ADAMTSL3: variants seen among roughly 807,000 people sequenced by gnomAD.
ADAMTSL3 encodes the protein ADAMTS-like protein 3.
In ADAMTSL3, 128 loss-of-function variants were observed where a neutral mutation model predicts 201.7. The observed-to-expected ratio is 0.63, with a 90% CI of 0.55 to 0.73. The LOEUF is 0.73. ADAMTSL3 is among the 30% of genes least tolerant of loss of function. The pLI, the probability that ADAMTSL3 is intolerant of heterozygous loss-of-function variation, is 0.00. For missense variants in ADAMTSL3, 1,990 were observed against 2,119.6 expected (o/e 0.94, Z 1.20); for synonymous variants, 738 against 748.4 (o/e 0.99, Z 0.23).
At chr15:84,005,289 T>C (rs2067873994) in intron 23 of ADAMTSL3, among the ~76,000 whole-genome samples, 2 of 152,204 alleles carry the variant, frequency 1.3e-5, no homozygotes, top group African/African-American at 2.4e-5. Flanking sequence ...TAGCTATTTG[T>C]TCATCTATAT....
chr15:83,984,267 T>C (rs1237995332), intron 21 of ADAMTSL3, among the ~76,000 whole-genome samples: 1 of 152,264 alleles, frequency 6.6e-6, no homozygotes, highest in Non-Finnish European at 1.5e-5. Flanking sequence ...GATGTGAAAC[T>C]GTTTTGCATA....
intron 7 of ADAMTSL3, among the ~76,000 whole-genome samples, chr15:83,847,478 A>G (rs1193546745): frequency 6.6e-6 from 1 of 150,930 alleles, no homozygotes; most frequent in East Asian, 1.9e-4. Flanking sequence ...TGTTCTGTAC[A>G]ATACCATGCC....
At chr15:83,881,012 T>C (rs2065259788) in intron 9 of ADAMTSL3, among the ~76,000 whole-genome samples, 1 of 152,226 alleles carries the variant, frequency 6.6e-6, no homozygotes, top group African/African-American at 2.4e-5. Context: ...GTTGTGGATA[T>C]AATTTGAGAT....
Position 83,923,975 on chromosome 15 carries a change from A to G in ADAMTSL3, c.2059A>G (p.Met687Val), listed in dbSNP as rs769631858. 2 of 1,614,010 alleles carry G rather than the reference A, an allele frequency of 1.2e-6. No homozygotes were observed. Among genetic ancestry groups the G allele is most frequent in the Non-Finnish European group, 1.7e-6 (2 of 1,180,012 alleles). ...GACAGTCAATGACAGCTTGTGTGATATGGTCCACCGTCCTCCAGCCATGAG... is the reference window on the plus strand; with the variant it reads ...GACAGTCAATGACAGCTTGTGTGATGTGGTCCACCGTCCTCCAGCCATGAG... ...QQTVNDSLCD[M>V]VHRPPAMSQA... Residue 687 changes from methionine (M) to valine (V), a missense_variant, in exon 17 of 30, where the codon ATG becomes GTG. Physicochemically the swap from Met to Val is conservative, Grantham distance 21. Transcript: ENST00000286744.
chr15:83,734,723 A>T (rs1438465894), intron 3 of ADAMTSL3, among the ~76,000 whole-genome samples: 1 of 152,184 alleles, frequency 6.6e-6, no homozygotes, highest in East Asian at 1.9e-4. Context: ...GTGGAGCCTA[A>T]GGAGACTGAA....
At chr15:83,663,821 C>A (rs2141367867) in intron 2 of ADAMTSL3, among the ~76,000 whole-genome samples, 1 of 152,374 alleles carries the variant, frequency 6.6e-6, no homozygotes, top group Non-Finnish European at 1.5e-5. Flanking sequence ...GAGTTATTGG[C>A]TAGATCCAGT....
chr15:83,924,087 C>T lies in ADAMTSL3; in HGVS notation c.2117+54C>T, dbSNP rs79192918. On this transcript the variant is annotated intron_variant, in intron 17 of 29. Coordinates refer to ENST00000286744, the MANE Select transcript of ADAMTSL3 (RefSeq NM_207517.3). ...TACCGTGTCCGGGTGGTAACACCCTCCCTGCAGAGAAACCCACCTAAGTGC... is the reference window on the plus strand; with the variant it reads ...TACCGTGTCCGGGTGGTAACACCCTTCCTGCAGAGAAACCCACCTAAGTGC... 13,852 of 1,596,148 alleles carry T rather than the reference C, an allele frequency of 8.7e-3. 81 individuals are homozygous for T. Among genetic ancestry groups the T allele is most frequent in the Non-Finnish European group, 1.0e-2 (11,674 of 1,169,792 alleles).
Position 83,924,030 on chromosome 15 carries a change from C to G in ADAMTSL3, c.2114C>G (p.Pro705Arg), listed in dbSNP as rs113618515. ...GCCTGTAACACAGAGCCCTGTCCCCCCAGGTATGTGCTGTCTTGTGTTCCT... is the reference window on the plus strand; with the variant it reads ...GCCTGTAACACAGAGCCCTGTCCCCGCAGGTATGTGCTGTCTTGTGTTCCT... ...SQACNTEPCP[P>R]RWHVGSWGPC... The change falls in exon 17 of 30, where the codon CCC (proline) becomes CGC (arginine). Residue 705 changes from proline (P) to arginine (R), a missense_variant. Pro to Arg is a moderately radical substitution (Grantham distance 103). Transcript: ENST00000286744. 2.0e-5 allele frequency: 33 copies of G among 1,614,062 alleles called. No homozygotes were observed. The African/African-American group carries it at 2.9e-4, about 14-fold the overall frequency.
chr15:83,729,140 A>C (rs546525805), intron 3 of ADAMTSL3, among the ~76,000 whole-genome samples: 32 of 152,164 alleles, frequency 2.1e-4, no homozygotes, highest in African/African-American at 7.7e-4. Context: ...TTGGGGCTCC[A>C]TTGTATGCTG....
chr15:83,723,082 C>A (rs373574075), intron 3 of ADAMTSL3, among the ~76,000 whole-genome samples: 1 of 151,818 alleles, frequency 6.6e-6, no homozygotes, highest in East Asian at 1.9e-4. Context: ...TTGTAAAATA[C>A]CATGTAAAAG....
intron 4 of ADAMTSL3, among the ~76,000 whole-genome samples, chr15:83,783,837 C>CTCTGTG (rs138161292): frequency 6.7e-6 from 1 of 148,760 alleles, no homozygotes; most frequent in South Asian, 2.2e-4. Flanking sequence ...CATATATACT[C>CTCTGTG]TGTGTGTGTG....
intron 5 of ADAMTSL3, among the ~76,000 whole-genome samples, chr15:83,806,388 A>G (rs914803630): frequency 1.3e-5 from 2 of 152,250 alleles, no homozygotes; most frequent in Non-Finnish European, 2.9e-5. Flanking sequence ...CATGGATTAC[A>G]GCTGATGAAA....
At chr15:83,978,945 C>G (rs1051352170) in intron 20 of ADAMTSL3, among the ~76,000 whole-genome samples, 3 of 152,222 alleles carry the variant, frequency 2.0e-5, no homozygotes, top group Non-Finnish European at 4.4e-5. Context: ...GGCTTCATGG[C>G]CTCCCTTAGA....
At chr15:83,689,269 G>A (rs2061581843) in intron 2 of ADAMTSL3, among the ~76,000 whole-genome samples, 1 of 152,166 alleles carries the variant, frequency 6.6e-6, no homozygotes, top group South Asian at 2.1e-4. Flanking sequence ...TGAACATGTA[G>A]GTACCTACCG....
At chr15:83,795,972 G>C (rs1043791345) in intron 4 of ADAMTSL3, among the ~76,000 whole-genome samples, 1 of 152,042 alleles carries the variant, frequency 6.6e-6, no homozygotes, top group Non-Finnish European at 1.5e-5. Flanking sequence ...ATATAAGAGA[G>C]AAAAGCCATA....
intron 6 of ADAMTSL3, among the ~76,000 whole-genome samples, chr15:83,829,810 G>T (rs981896558): frequency 6.6e-6 from 1 of 152,174 alleles, no homozygotes; most frequent in Non-Finnish European, 1.5e-5. Flanking sequence ...GGAGCAGGTT[G>T]TTCAGTTTCC....
Position 83,982,635 on chromosome 15 carries a change from A to G in ADAMTSL3, c.3007A>G (p.Ile1003Val), listed in dbSNP as rs2067405949. 2 of 1,614,220 alleles carry G rather than the reference A, an allele frequency of 1.2e-6. No homozygotes were observed. Among genetic ancestry groups the G allele is most frequent in the Non-Finnish European group, 8.5e-7 (1 of 1,180,034 alleles). Residue 1003 changes from isoleucine to valine, a missense_variant, in exon 21 of 30, where the codon ATC (isoleucine) becomes GTC (valine). By Grantham distance (29) the Ile-to-Val change is conservative. Transcript: ENST00000286744. ...GCTCATTGGTACTGACAACCGGCTC[A>G]TCGCACGCCCAGCCCTCAGGGAGCC... The part of the protein sequence containing the change: ...LKLIGTDNRL[I>V]ARPALREPMR...
intron 5 of ADAMTSL3, among the ~76,000 whole-genome samples, chr15:83,818,259 GT>G (rs1397306781): frequency 6.6e-6 from 1 of 152,106 alleles, no homozygotes; most frequent in Non-Finnish European, 1.5e-5. Flanking sequence ...ATTTTCCAAA[GT>G]TTTTAGAATG....
chr15:83,671,270 CAATAA>C (rs1160813025), intron 2 of ADAMTSL3, among the ~76,000 whole-genome samples: 1 of 152,036 alleles, frequency 6.6e-6, no homozygotes, highest in Admixed American at 6.5e-5. Context: ...AAGAACTTGC[CAATAA>C]AATAAAGAGG....
Sources: gnomAD v4.1 joint callset for allele counts (sites outside exome capture counted in the v4.1 genomes callset) on GRCh38, gnomAD v4.1.1 for gene constraint, MANE v1.5 for transcripts, NCBI Gene and HGNC (gene_info 2026-07-23, HGNC 2026-07-21) for gene names.